The following IL23R variants were observed in gnomAD, a reference collection of about 807,000 sequenced individuals.
IL23R encodes interleukin-23 receptor.
In IL23R, 34 loss-of-function variants were observed where a neutral mutation model predicts 56.9. The observed-to-expected ratio is 0.60, with a 90% CI of 0.45 to 0.80. IL23R has a LOEUF of 0.80. IL23R is among the 30% of genes least tolerant of loss of function. IL23R has a pLI of 0.00. For missense variants in IL23R, 635 were observed against 730.0 expected, an observed-to-expected ratio of 0.87 and a Z score of 1.50; for synonymous variants, 230 against 249.2, an observed-to-expected ratio of 0.92 and a Z score of 0.73.
chr1:67,173,901 T>C (rs1646976730), intron 3 of IL23R, among the ~76,000 whole-genome samples: 1 of 152,136 alleles, frequency 6.6e-6, no homozygotes, highest in Admixed American at 6.6e-5. Context: ...AAACCACTAA[T>C]TGAACCATTT....
intron 3 of IL23R, among the ~76,000 whole-genome samples, chr1:67,180,850 A>G (rs1254315177): frequency 1.3e-5 from 2 of 152,138 alleles, no homozygotes; most frequent in Middle Eastern, 6.3e-3. Context: ...GCTTGTCTGT[A>G]AAGTATTTTA....
intron 7 of IL23R, among the ~76,000 whole-genome samples, chr1:67,225,123 C>A (rs1179638752): frequency 6.6e-6 from 1 of 152,158 alleles, no homozygotes; most frequent in African/African-American, 2.4e-5. Context: ...GCCTGTGAAA[C>A]AAAATCATTC....
At chr1:67,254,946 G>A (rs1349073420) in intron 9 of IL23R, among the ~76,000 whole-genome samples, 3 of 152,138 alleles carry the variant, frequency 2.0e-5, no homozygotes, top group Non-Finnish European at 4.4e-5. Flanking sequence ...CATGGTCTAG[G>A]TAGAAACCAG....
chr1:67,145,769 G>T (rs1389692072), intron 1 of IL23R, among the ~76,000 whole-genome samples: 1 of 152,140 alleles, frequency 6.6e-6, no homozygotes, highest in Non-Finnish European at 1.5e-5. Flanking sequence ...GGCTGTGGTG[G>T]CTTGTTTACA....
chr1:67,156,037 ACAGT>A (rs1646767522), intron 1 of IL23R, among the ~76,000 whole-genome samples: 1 of 152,078 alleles, frequency 6.6e-6, no homozygotes, highest in Non-Finnish European at 1.5e-5. Flanking sequence ...TTTTCTTCTA[ACAGT>A]CAGGTCCCTC....
chr1:67,195,025 A>G lies in IL23R; in HGVS notation c.492-5712A>G, dbSNP rs375550240. Among the ~76,000 whole-genome samples the G allele has an allele frequency of 2.0e-4, 31 of 152,342 alleles. No individual in the cohort carries two copies. In the South Asian group the frequency reaches 6.2e-3, roughly 31 times the overall value. On this transcript the variant is annotated intron_variant, in intron 4 of 10. Coordinates refer to ENST00000347310, the MANE Select transcript of IL23R (RefSeq NM_144701.3). ...ATTCTTTAGAATGTGTCAAAGTCAC[A>G]TATCATAAATATCTTCTTTTTTTAT... is the stretch of plus-strand genomic sequence containing the variant.
chr1:67,233,852 GTTT>G (rs35312501), intron 7 of IL23R, among the ~76,000 whole-genome samples: 1 of 138,500 alleles, frequency 7.2e-6, no homozygotes, highest in Admixed American at 7.3e-5. Flanking sequence ...ATATCATGAG[GTTT>G]TTTTTTTTTT....
chr1:67,212,998 C>T (rs1354073539), intron 6 of IL23R, among the ~76,000 whole-genome samples: 3 of 152,090 alleles, frequency 2.0e-5, no homozygotes, highest in African/African-American at 7.2e-5. Flanking sequence ...CTCAGCCTCC[C>T]TAGTAGCTGG....
intron 6 of IL23R, among the ~76,000 whole-genome samples, chr1:67,215,491 A>G (rs143100418): frequency 7.9e-5 from 12 of 152,270 alleles, no homozygotes; most frequent in Non-Finnish European, 1.5e-4. Context: ...CAATCTTTCC[A>G]GTGTCTTTCA....
At chr1:67,148,281 A>G (rs1646699924) in intron 1 of IL23R, among the ~76,000 whole-genome samples, 1 of 152,264 alleles carries the variant, frequency 6.6e-6, no homozygotes, top group African/African-American at 2.4e-5. Context: ...GCCAGAACAA[A>G]CGTGGACCAG....
intron 3 of IL23R, among the ~76,000 whole-genome samples, chr1:67,180,750 G>T (rs1647127171): frequency 6.6e-6 from 1 of 152,160 alleles, no homozygotes; most frequent in Non-Finnish European, 1.5e-5. Flanking sequence ...TTTTGCAGTG[G>T]CTGGTACTGG....
chr1:67,251,353 G>A lies in IL23R; in HGVS notation c.1149-4484G>A, dbSNP rs550324631. Among the ~76,000 whole-genome samples, 22 of 151,804 alleles carry A rather than the reference G, an allele frequency of 1.4e-4. 1 individual carries two copies. Among genetic ancestry groups the A allele is most frequent in the Admixed American group, 3.9e-4 (6 of 15,250 alleles). ...TGTAGTCCCAGCTACTTGGGAGGCT[G>A]AGGCAGGAGAATGGTGTGAACCCAG... On this transcript the variant is annotated intron_variant, in intron 9 of 10. Coordinates refer to ENST00000347310, the MANE Select transcript of IL23R (RefSeq NM_144701.3).
Position 67,236,804 on chromosome 1 carries a change from T to C in IL23R, c.1045+2T>C. On this transcript the variant is annotated splice_donor_variant, in intron 8 of 10. Coordinates refer to ENST00000347310, the MANE Select transcript of IL23R (RefSeq NM_144701.3). LOFTEE classifies it high-confidence loss of function. ...TCTCTACAGGGCACCTTACTTCTGG[T>C]AAGAAAATACAACTTAGGCTTTTTG... 1 of 1,591,046 alleles carries C rather than the reference T, an allele frequency of 6.3e-7. No homozygotes were observed. Among genetic ancestry groups the C allele is most frequent in the Non-Finnish European group, 8.6e-7 (1 of 1,159,186 alleles).
intron 4 of IL23R, among the ~76,000 whole-genome samples, chr1:67,185,991 C>G (rs1251711184): frequency 6.6e-6 from 1 of 152,194 alleles, no homozygotes; most frequent in East Asian, 1.9e-4. Context: ...CATTACCTCT[C>G]CAAAGTCACT....
At chr1:67,263,757 A>G (rs970656559), downstream of IL23R, among the ~76,000 whole-genome samples, 2 of 152,104 alleles carry the variant, frequency 1.3e-5, no homozygotes, top group African/African-American at 4.8e-5. Context: ...CTAAAAATAC[A>G]AAACTTATCT....
In IL23R at chr1:67,258,378, A is replaced by C. The variant is rs1363499431; in HGVS notation, c.1240-100A>C. 7.4e-6 allele frequency: 6 copies of C among 812,220 alleles called. No homozygotes were observed. In the East Asian group the frequency reaches 1.5e-4, roughly 20 times the overall value. The allele number at this position is 812,220 out of a possible 1,614,324, so 50.3% of individuals were successfully genotyped here. A position where few individuals can be genotyped will look rare whatever the true frequency, so the allele number is the denominator to read the frequency against. Reference sequence around the variant, plus strand: ...ACAATATGAGAAAATGGAGGGAGAAAGGAAAGTTGAAAGAAAGCAAAATTC... The same window carrying C: ...ACAATATGAGAAAATGGAGGGAGAACGGAAAGTTGAAAGAAAGCAAAATTC... On this transcript the variant is annotated intron_variant, in intron 10 of 10. Coordinates refer to ENST00000347310, the MANE Select transcript of IL23R (RefSeq NM_144701.3).
At chr1:67,255,046 A>G (rs558764255) in intron 9 of IL23R, among the ~76,000 whole-genome samples, 1 of 152,340 alleles carries the variant, frequency 6.6e-6, no homozygotes, top group South Asian at 2.1e-4. Context: ...CCATCATTAC[A>G]ACCCTATTTG....
chr1:67,154,773 A>G (rs951433655), intron 1 of IL23R, among the ~76,000 whole-genome samples: 2 of 152,126 alleles, frequency 1.3e-5, no homozygotes, highest in Non-Finnish European at 2.9e-5. Context: ...TAATTGGGGC[A>G]TTTAGCCCAT....
At chr1:67,260,163 A>G (rs962221441), downstream of IL23R, among the ~76,000 whole-genome samples, 1 of 151,896 alleles carries the variant, frequency 6.6e-6, no homozygotes, top group South Asian at 2.1e-4. Flanking sequence ...CTCTCCAGGT[A>G]TTAGGGATTT....
Sources: gnomAD v4.1 joint callset for allele counts (sites outside exome capture counted in the v4.1 genomes callset) on GRCh38, gnomAD v4.1.1 for gene constraint, MANE v1.5 for transcripts, NCBI Gene and HGNC (gene_info 2026-07-23, HGNC 2026-07-21) for gene names.